Variants in LRSAM1 observed in about 807,000 individuals in gnomAD.
LRSAM1 encodes leucine rich repeat and sterile alpha motif containing 1.
Under a neutral mutation model 118.1 loss-of-function variants are expected in LRSAM1, and 96 were observed. The ratio of observed to expected loss-of-function variants is 0.81; its 90% CI spans 0.69 to 0.96. The LOEUF (loss-of-function observed/expected upper bound fraction) is 0.96, where lower values mean the gene tolerates loss of function less well. Among genes scored for constraint, LRSAM1 ranks in the 40% least tolerant of loss-of-function variants. The pLI is 0.00. For synonymous variants in LRSAM1, 322 were observed against 364.2 expected (o/e 0.88, Z 1.32); for missense variants, 804 against 915.5 (o/e 0.88, Z 1.57).
chr9:127,455,558 T>G lies in LRSAM1; in HGVS notation c.130-18T>G. The G allele has an allele frequency of 6.2e-7, 1 of 1,614,016 alleles. No homozygotes were observed. On this transcript the variant is annotated intron_variant, in intron 4 of 25. Coordinates refer to ENST00000300417, the MANE Select transcript of LRSAM1 (RefSeq NM_001005373.4). ...CTGGCAGGAGGGGAGACACTTACTC[T>G]TCTTTATCTTATCTTAGATTCCATT...
chr9:127,463,734 A>C (rs1183658483), intron 9 of LRSAM1, among the ~76,000 whole-genome samples: 1 of 152,182 alleles, frequency 6.6e-6, no homozygotes, highest in African/African-American at 2.4e-5. Context: ...AGTTCAGCCC[A>C]TGACAGACAC....
chr9:127,483,089 C>G, intron 16 of LRSAM1, 69 bp downstream of exon 16: 1 of 1,466,404 alleles, frequency 6.8e-7, no homozygotes. Flanking sequence ...GGATGGCCCT[C>G]CCTCTGTTGG....
intron 24 of LRSAM1, among the ~76,000 whole-genome samples, chr9:127,499,556 A>G (rs895565828): frequency 7.6e-4 from 115 of 151,196 alleles, no homozygotes; most frequent in African/African-American, 2.7e-3. Flanking sequence ...ATATATATAT[A>G]TGAATGCCCC....
chr9:127,479,395 C>A lies in LRSAM1; in HGVS notation c.793C>A (p.Leu265Met). The change falls in exon 13 of 26, where the codon CTG (leucine) becomes ATG (methionine). Residue 265 changes from leucine to methionine, a missense_variant. Physicochemically the swap from Leu to Met is conservative, Grantham distance 15. Transcript: ENST00000300417. ...CTGTGTCTTGCAGGAACAGAAGATG[C>A]TGGAGAAACTCGAGTTTGAACGGCG... ...DYEKRKEQKM[L>M]EKLEFERRLE... 6.2e-7 allele frequency: 1 copy of A among 1,614,152 alleles called. No homozygotes were observed. The highest frequency in any genetic ancestry group is 2.2e-5 in the East Asian group (1 of 44,874).
chr9:127,459,163 A>T, intron 7 of LRSAM1, 92 bp downstream of exon 7: 1 of 1,256,786 alleles, frequency 8.0e-7, no homozygotes, highest in South Asian at 1.2e-5. Context: ...GGCTCCAGCC[A>T]GTGGAAGCAG....
At position 127,483,084 on chromosome 9, in the gene LRSAM1, G is replaced by A. The variant is rs562820752; in HGVS notation, c.1159+64G>A. 2.7e-5 allele frequency: 41 copies of A among 1,501,734 alleles called. No homozygotes were observed. The East Asian group carries it at 9.2e-4, about 34-fold the overall frequency. The allele number at this position is 1,501,734 out of a possible 1,614,324, so 93.0% of individuals were successfully genotyped here. A position where few individuals can be genotyped will look rare whatever the true frequency, so the allele number is the denominator to read the frequency against. ...GCTGGCTGGGCTGGCAGGGTGGATG[G>A]CCCTCCCTCTGTTGGCCATGCATGG... On this transcript the variant is annotated intron_variant, in intron 16 of 25. Transcript: ENST00000300417.
At chr9:127,476,861 G>A (rs538098333) in intron 11 of LRSAM1, among the ~76,000 whole-genome samples, 1 of 152,208 alleles carries the variant, frequency 6.6e-6, no homozygotes, top group South Asian at 2.1e-4. Flanking sequence ...TTTGTTAGTA[G>A]AGACGGGGTT....
In LRSAM1 at chr9:127,501,060, C is replaced by G. The variant is rs1291622809; in HGVS notation, c.1963C>G (p.Pro655Ala). Reference sequence around the variant, plus strand: ...CGTCACCCCTACGGCCCCCCAGGAGCCTCCTGAGTCTGTGAGGCCATCCGC... The same window carrying G: ...CGTCACCCCTACGGCCCCCCAGGAGGCTCCTGAGTCTGTGAGGCCATCCGC... ...EVVTPTAPQE[P>A]PESVRPSAPP... The change falls in exon 25 of 26, where the codon CCT (proline) becomes GCT (alanine). Residue 655 changes from proline (P) to alanine (A), a missense_variant. Transcript: ENST00000300417. The G allele has an allele frequency of 6.2e-7, 1 of 1,613,930 alleles. No individual in the cohort carries two copies. Among genetic ancestry groups the G allele is most frequent in the Admixed American group, 1.7e-5 (1 of 59,998 alleles).
chr9:127,490,246 TTTTCTTTC>T (rs146824383), intron 19 of LRSAM1, among the ~76,000 whole-genome samples: 179 of 150,368 alleles, frequency 1.2e-3, no homozygotes, highest in African/African-American at 2.5e-3. Context: ...CTTTCTCTAT[TTTTCTTTC>T]TTTCTTTCTT....
At chr9:127,489,594 C>T (rs546189907) in intron 19 of LRSAM1, 76 bp downstream of exon 19, 3 of 1,504,118 alleles carry the variant, frequency 2.0e-6, no homozygotes, top group Non-Finnish European at 2.7e-6. Flanking sequence ...CGGCAGGTCG[C>T]AGCAGTTGAG....
intron 10 of LRSAM1, 93 bp downstream of exon 10, chr9:127,467,923 GA>G: frequency 2.3e-6 from 3 of 1,288,446 alleles, no homozygotes; most frequent in Non-Finnish European, 3.3e-6. Context: ...AGCAGAGACA[GA>G]AATGGCCACA....
chr9:127,483,942 G>C (rs538702557), intron 16 of LRSAM1, among the ~76,000 whole-genome samples: 1 of 152,146 alleles, frequency 6.6e-6, no homozygotes, highest in African/African-American at 2.4e-5. Flanking sequence ...TATTACAGGC[G>C]TGAGCCACCG....
chr9:127,483,377 T>C (rs960849755), intron 16 of LRSAM1, among the ~76,000 whole-genome samples: 13 of 151,588 alleles, frequency 8.6e-5, no homozygotes, highest in African/African-American at 3.2e-4. Flanking sequence ...AGCCCAGGAG[T>C]TCAAGGCTGC....
intron 2 of LRSAM1, 76 bp from the exon 3 acceptor site, chr9:127,454,420 G>A: frequency 9.2e-7 from 1 of 1,085,454 alleles, no homozygotes; most frequent in East Asian, 2.5e-5. Flanking sequence ...CATGCTCTGT[G>A]TTACTGCACT....
chr9:127,485,205 G>A (rs1835685523), intron 16 of LRSAM1, among the ~76,000 whole-genome samples: 1 of 152,200 alleles, frequency 6.6e-6, no homozygotes, highest in Non-Finnish European at 1.5e-5. Flanking sequence ...CACAGGAGAT[G>A]TTATGTATGT....
In LRSAM1 at chr9:127,478,875, A is replaced by G. The variant is rs998749576; in HGVS notation, c.751-59A>G. On this transcript the variant is annotated intron_variant, in intron 11 of 25. Coordinates refer to ENST00000300417, the MANE Select transcript of LRSAM1 (RefSeq NM_001005373.4). ...GGCCACCCGGGGGTTCCTGGTGCCCATGCCAGGGAGAACCACTGCTGCCAC... is the reference window on the plus strand; with the variant it reads ...GGCCACCCGGGGGTTCCTGGTGCCCGTGCCAGGGAGAACCACTGCTGCCAC... 80 of 1,585,066 alleles carry G rather than the reference A, an allele frequency of 5.0e-5. No homozygotes were observed. The South Asian group carries it at 7.4e-4, about 15-fold the overall frequency.
chr9:127,480,546 C>G (rs983362525), intron 14 of LRSAM1, among the ~76,000 whole-genome samples: 1 of 152,176 alleles, frequency 6.6e-6, no homozygotes, highest in South Asian at 2.1e-4. Flanking sequence ...CTGAATCACT[C>G]GTTCCTCCCT....
intron 5 of LRSAM1, among the ~76,000 whole-genome samples, chr9:127,456,365 C>A (rs1834518188): frequency 1.3e-5 from 2 of 151,040 alleles, no homozygotes; most frequent in South Asian, 4.2e-4. Context: ...TCCTGAGTAG[C>A]TGGGATTATA....
At chr9:127,460,057 T>C (rs1002013605) in intron 7 of LRSAM1, among the ~76,000 whole-genome samples, 2 of 152,124 alleles carry the variant, frequency 1.3e-5, no homozygotes, top group Non-Finnish European at 2.9e-5. Context: ...TGGAGTGCAG[T>C]GGTGTGATCT....
Sources: gnomAD v4.1 joint callset for allele counts (sites outside exome capture counted in the v4.1 genomes callset) on GRCh38, gnomAD v4.1.1 for gene constraint, MANE v1.5 for transcripts, NCBI Gene and HGNC (gene_info 2026-07-23, HGNC 2026-07-21) for gene names.